The following MARCHF1 variants were observed in gnomAD, a reference collection of about 807,000 sequenced individuals.
MARCHF1 encodes E3 ubiquitin-protein ligase MARCHF1.
In MARCHF1, 40 loss-of-function variants were observed where a neutral mutation model predicts 54.2. The ratio of observed to expected loss-of-function variants is 0.74; its 90% CI spans 0.57 to 0.96. The LOEUF (loss-of-function observed/expected upper bound fraction) is 0.96, where lower values mean the gene tolerates loss of function less well. Among genes scored for constraint, MARCHF1 ranks in the 40% least tolerant of loss-of-function variants. MARCHF1 has a pLI of 0.00. For missense variants in MARCHF1, 586 were observed against 656.5 expected, an observed-to-expected ratio of 0.89 and a Z score of 1.17; for synonymous variants, 236 against 236.3, an observed-to-expected ratio of 1.00 and a Z score of 0.01.
At chr4:163,831,352 G>A (rs1000887502) in intron 4 of MARCHF1, among the ~76,000 whole-genome samples, 1 of 152,290 alleles carries the variant, frequency 6.6e-6, no homozygotes, top group African/African-American at 2.4e-5. Context: ...GGGAAATGGA[G>A]GTGGGAGGGT....
intron 8 of MARCHF1, among the ~76,000 whole-genome samples, chr4:163,566,405 C>T (rs778321216): frequency 1.3e-5 from 2 of 152,158 alleles, no homozygotes; most frequent in Non-Finnish European, 2.9e-5. Context: ...AACAAAGTTG[C>T]GAAGCACTAG....
At chr4:164,097,338 C>T (rs1209246531) in intron 2 of MARCHF1, among the ~76,000 whole-genome samples, 1 of 152,162 alleles carries the variant, frequency 6.6e-6, no homozygotes, top group East Asian at 1.9e-4. Flanking sequence ...TGAAATTGAT[C>T]ATCTCTTGAA....
At chr4:164,143,598 A>C (rs965823086) in intron 1 of MARCHF1, among the ~76,000 whole-genome samples, 1 of 151,994 alleles carries the variant, frequency 6.6e-6, no homozygotes, top group African/African-American at 2.4e-5. Flanking sequence ...GGAGAAATAA[A>C]ATCCTTTACA....
chr4:164,345,794 T>C (rs1730076500), intron 1 of MARCHF1, among the ~76,000 whole-genome samples: 1 of 151,976 alleles, frequency 6.6e-6, no homozygotes, highest in African/African-American at 2.4e-5. Context: ...GGTTTTTTGT[T>C]TTCAAAGTTG....
At chr4:163,662,889 T>C (rs143115271) in intron 5 of MARCHF1, among the ~76,000 whole-genome samples, 250 of 152,114 alleles carry the variant, frequency 1.6e-3, no homozygotes, top group African/African-American at 5.8e-3. Flanking sequence ...CAAGGTCTTA[T>C]CACCACTAAG....
chr4:163,916,510 G>GAT (rs1031846924), intron 3 of MARCHF1, among the ~76,000 whole-genome samples: 10 of 115,112 alleles, frequency 8.7e-5, no homozygotes, highest in African/African-American at 4.3e-4. Context: ...TGATTGTGAA[G>GAT]ATGTGCCTGT....
intron 5 of MARCHF1, among the ~76,000 whole-genome samples, chr4:163,687,244 T>C (rs1744297744): frequency 6.6e-6 from 1 of 151,944 alleles, no homozygotes; most frequent in Admixed American, 6.6e-5. Context: ...TTTTTTTTTT[T>C]TGAGATGCCG....
intron 4 of MARCHF1, among the ~76,000 whole-genome samples, chr4:163,753,831 T>C (rs555174266): frequency 6.6e-6 from 1 of 152,202 alleles, no homozygotes; most frequent in South Asian, 2.1e-4. Context: ...CTGAGCAATA[T>C]CACCTTTGGC....
intron 1 of MARCHF1, among the ~76,000 whole-genome samples, chr4:164,363,768 T>TTATTAATAA (rs1413141698): frequency 6.6e-6 from 1 of 151,334 alleles, no homozygotes; most frequent in Non-Finnish European, 1.5e-5. Flanking sequence ...TAATAAGCCG[T>TTATTAATAA]GTGTGTGTGT....
At chr4:164,328,671 A>C (rs1735347344) in intron 1 of MARCHF1, among the ~76,000 whole-genome samples, 1 of 151,968 alleles carries the variant, frequency 6.6e-6, no homozygotes, top group Admixed American at 6.6e-5. Context: ...CTGGGACTAC[A>C]GGCATGCACC....
At chr4:163,598,798 A>T (rs1219968807) in intron 7 of MARCHF1, among the ~76,000 whole-genome samples, 1 of 152,094 alleles carries the variant, frequency 6.6e-6, no homozygotes, top group Non-Finnish European at 1.5e-5. Context: ...ACTTGGATAC[A>T]CTCAATTTAT....
intron 5 of MARCHF1, among the ~76,000 whole-genome samples, chr4:163,638,556 C>A (rs919357364): frequency 6.6e-6 from 1 of 152,050 alleles, no homozygotes. Flanking sequence ...TCTGGAGAAC[C>A]AAGAGTCAAT....
At chr4:163,668,434 T>G (rs998899170) in intron 5 of MARCHF1, among the ~76,000 whole-genome samples, 1 of 152,154 alleles carries the variant, frequency 6.6e-6, no homozygotes, top group African/African-American at 2.4e-5. Context: ...AATAGGATCG[T>G]TGCACATACA....
chr4:163,667,821 T>G (rs1281763694), intron 5 of MARCHF1, among the ~76,000 whole-genome samples: 1 of 152,074 alleles, frequency 6.6e-6, no homozygotes, highest in Non-Finnish European at 1.5e-5. Flanking sequence ...GAGATGGGGT[T>G]TCACCATGTT....
intron 2 of MARCHF1, among the ~76,000 whole-genome samples, chr4:164,059,167 C>A (rs1169175748): frequency 6.6e-6 from 1 of 152,192 alleles, no homozygotes; most frequent in Non-Finnish European, 1.5e-5. Flanking sequence ...CCTCCAGGAT[C>A]TGCCTCAAAA....
rs537593168 is a variant in MARCHF1, at chr4:163,642,764, C to A, written c.163-29371G>T. On this transcript the variant is annotated intron_variant, in intron 5 of 9. Coordinates refer to ENST00000514618, the MANE Select transcript of MARCHF1 (RefSeq NM_001394959.1). ...AGGTTTCTGAGTCTGTCAAAATAAT[C>A]TTCCTAAAAACACCTGTATCTATGG... Among the ~76,000 whole-genome samples, 41 of 152,142 alleles carry A rather than the reference C, an allele frequency of 2.7e-4. No homozygotes were observed. In the East Asian group the frequency reaches 6.4e-3, roughly 24 times the overall value.
chr4:163,643,916 G>T (rs532368942), intron 5 of MARCHF1, among the ~76,000 whole-genome samples: 1 of 152,130 alleles, frequency 6.6e-6, no homozygotes. Context: ...GGAGATAGGA[G>T]TAATGAAGAA....
At position 163,570,108 on chromosome 4, in the gene MARCHF1, T is replaced by C. The variant is rs546302507; in HGVS notation, c.1191+15641A>G. Among the ~76,000 whole-genome samples the C allele has an allele frequency of 3.9e-5, 6 of 152,260 alleles. No individual in the cohort carries two copies. In the East Asian group the frequency reaches 1.2e-3, roughly 29 times the overall value. On this transcript the variant is annotated intron_variant, in intron 8 of 9. Transcript: ENST00000514618. ...TAAACTTAAGCCAGCATAACCCTTA[T>C]CTGGATGGCCATACATTCTGAATGA... is the stretch of plus-strand genomic sequence containing the variant.
chr4:163,637,964 T>A (rs1355404478), intron 5 of MARCHF1, among the ~76,000 whole-genome samples: 2 of 150,246 alleles, frequency 1.3e-5, no homozygotes, highest in Non-Finnish European at 3.0e-5. Context: ...AAATTGGAAA[T>A]CATCATTCTC....
Sources: gnomAD v4.1 joint callset for allele counts (sites outside exome capture counted in the v4.1 genomes callset) on GRCh38, gnomAD v4.1.1 for gene constraint, MANE v1.5 for transcripts, NCBI Gene and HGNC (gene_info 2026-07-23, HGNC 2026-07-21) for gene names.